CNTNAP2: variants seen among roughly 807,000 people sequenced by gnomAD.
The protein encoded by CNTNAP2 is contactin-associated protein-like 2.
In CNTNAP2, 98 loss-of-function variants were observed where a neutral mutation model predicts 155.2. The ratio of observed to expected loss-of-function variants is 0.63; its 90% confidence interval spans 0.54 to 0.75. The LOEUF (loss-of-function observed/expected upper bound fraction) is 0.75. CNTNAP2 is among the 30% of genes least tolerant of loss of function. The pLI is 0.00. For synonymous variants in CNTNAP2, 651 were observed against 631.2 expected (o/e 1.03, Z -0.47); for missense variants, 1,727 against 1,688.1 (o/e 1.02, Z -0.40).
intron 13 of CNTNAP2, among the ~76,000 whole-genome samples, chr7:147,830,505 A>G (rs80110874): frequency 0.044 from 6,775 of 152,266 alleles, 277 homozygotes; most frequent in Admixed American, 0.12. Flanking sequence ...TAAACATCCA[A>G]TCCACTACAT....
At chr7:148,227,294 CAG>C (rs1260149654) in intron 19 of CNTNAP2, among the ~76,000 whole-genome samples, 2 of 152,102 alleles carry the variant, frequency 1.3e-5, no homozygotes, top group East Asian at 3.9e-4. Flanking sequence ...GCAGGGAAGA[CAG>C]AAGTGAGACA....
intron 1 of CNTNAP2, among the ~76,000 whole-genome samples, chr7:146,348,814 T>A (rs1165281574): frequency 4.0e-5 from 6 of 148,554 alleles, no homozygotes; most frequent in African/African-American, 1.5e-4. Context: ...TTCTCATGAT[T>A]ATATATAATA....
intron 1 of CNTNAP2, among the ~76,000 whole-genome samples, chr7:146,648,137 A>G (rs182099631): frequency 2.5e-4 from 38 of 152,252 alleles, no homozygotes; most frequent in Non-Finnish European, 3.2e-4. Context: ...GTATTTCTCT[A>G]CTTCATGGGT....
intron 13 of CNTNAP2, among the ~76,000 whole-genome samples, chr7:147,662,640 T>C (rs965449179): frequency 1.9e-4 from 29 of 152,204 alleles, no homozygotes; most frequent in African/African-American, 6.8e-4. Flanking sequence ...AGAATTTGGT[T>C]GTAGGAATTA....
chr7:147,125,596 A>G (rs1050386213), intron 6 of CNTNAP2, among the ~76,000 whole-genome samples: 70 of 152,200 alleles, frequency 4.6e-4, no homozygotes, highest in Admixed American at 3.9e-3. Flanking sequence ...CTTTTGCAAT[A>G]CAGCTCTGCT....
At chr7:146,674,337 AGTAATATTT>A (rs1800358945) in intron 1 of CNTNAP2, among the ~76,000 whole-genome samples, 1 of 152,132 alleles carries the variant, frequency 6.6e-6, no homozygotes, top group African/African-American at 2.4e-5. Flanking sequence ...GTACTTTCTT[AGTAATATTT>A]TGAAGTATTA....
intron 14 of CNTNAP2, among the ~76,000 whole-genome samples, chr7:147,973,160 T>TAAAATTAAAAA (rs1554456455): frequency 1.7e-5 from 2 of 120,836 alleles, no homozygotes; most frequent in South Asian, 5.5e-4. Flanking sequence ...TCTCTAAAAT[T>TAAAATTAAAAA]AAAAAAAAAA....
intron 3 of CNTNAP2, among the ~76,000 whole-genome samples, chr7:146,978,240 A>T (rs560376523): frequency 8.5e-5 from 13 of 152,274 alleles, no homozygotes; most frequent in Middle Eastern, 6.8e-3. Context: ...TCTGTTTTGT[A>T]AGAGGTTTGC....
At chr7:148,243,843 T>C (rs1796204780) in intron 20 of CNTNAP2, among the ~76,000 whole-genome samples, 1 of 152,090 alleles carries the variant, frequency 6.6e-6, no homozygotes, top group East Asian at 1.9e-4. Context: ...AAGTTGGTTT[T>C]ATTTAGAAGT....
chr7:147,371,808 AGT>A (rs1796342001), intron 9 of CNTNAP2, among the ~76,000 whole-genome samples: 1 of 152,082 alleles, frequency 6.6e-6, no homozygotes, highest in East Asian at 1.9e-4. Context: ...TATGTATGAG[AGT>A]GTGTGCATTT....
chr7:146,587,856 A>T (rs1273708209), intron 1 of CNTNAP2, among the ~76,000 whole-genome samples: 1 of 151,946 alleles, frequency 6.6e-6, no homozygotes, highest in African/African-American at 2.4e-5. Flanking sequence ...TATGTTTAGT[A>T]GAGATGGGGG....
intron 1 of CNTNAP2, among the ~76,000 whole-genome samples, chr7:146,738,815 T>C (rs1172480041): frequency 6.6e-6 from 1 of 151,714 alleles, no homozygotes; most frequent in Non-Finnish European, 1.5e-5. Context: ...ATCTCCTTAC[T>C]TGTTATTGGT....
chr7:148,335,639 G>A (rs1303177551), intron 21 of CNTNAP2, among the ~76,000 whole-genome samples: 1 of 152,162 alleles, frequency 6.6e-6, no homozygotes, highest in Non-Finnish European at 1.5e-5. Flanking sequence ...GTGATGGCTG[G>A]TATCCATCTT....
At chr7:147,774,633 T>C (rs76600573) in intron 13 of CNTNAP2, among the ~76,000 whole-genome samples, 2,547 of 152,272 alleles carry the variant, frequency 0.017, 32 homozygotes, top group South Asian at 0.03. Flanking sequence ...GAGAGCTCAC[T>C]GGCTCCCTGC....
chr7:147,270,026 C>G (rs559139769), intron 8 of CNTNAP2, among the ~76,000 whole-genome samples: 6 of 152,074 alleles, frequency 3.9e-5, no homozygotes, highest in Non-Finnish European at 8.8e-5. Context: ...TGTGCCACTG[C>G]ACTCCAGCCT....
chr7:147,730,853 T>A (rs1355046453), intron 13 of CNTNAP2, among the ~76,000 whole-genome samples: 1 of 152,248 alleles, frequency 6.6e-6, no homozygotes, highest in African/African-American at 2.4e-5. Context: ...AAAGTGCTAC[T>A]CCAGTGAAAA....
intron 21 of CNTNAP2, among the ~76,000 whole-genome samples, chr7:148,375,776 C>CTT (rs1213511060): frequency 2.4e-5 from 2 of 84,736 alleles, no homozygotes; most frequent in Non-Finnish European, 2.9e-5. Flanking sequence ...AGGTGGATCA[C>CTT]GAGGTCAGGA....
At chr7:148,278,294 C>T (rs1209627210) in intron 21 of CNTNAP2, among the ~76,000 whole-genome samples, 1 of 152,048 alleles carries the variant, frequency 6.6e-6, no homozygotes, top group Non-Finnish European at 1.5e-5. Context: ...AGGCCCGGCT[C>T]GGTGGCTCAC....
intron 2 of CNTNAP2, among the ~76,000 whole-genome samples, chr7:146,823,628 A>G (rs1026563568): frequency 6.6e-6 from 1 of 151,630 alleles, no homozygotes; most frequent in Non-Finnish European, 1.5e-5. Flanking sequence ...GTATATTTAC[A>G]TGGAAATATA....
Sources: gnomAD v4.1 joint callset for allele counts (sites outside exome capture counted in the v4.1 genomes callset) on GRCh38, gnomAD v4.1.1 for gene constraint, MANE v1.5 for transcripts, NCBI Gene and HGNC (gene_info 2026-07-23, HGNC 2026-07-21) for gene names.